SPECC1L: variants seen among roughly 807,000 people sequenced by gnomAD.
The protein encoded by SPECC1L is sperm antigen with calponin homology and coiled-coil domains 1 like.
In SPECC1L, 40 loss-of-function variants were observed where a neutral mutation model predicts 116.8. The ratio of observed to expected loss-of-function variants is 0.34; its 90% CI spans 0.27 to 0.45. The LOEUF is 0.45. SPECC1L is among the 20% of genes least tolerant of loss of function. The pLI is 1.00. For missense variants in SPECC1L, 1,110 were observed against 1,373.6 expected, an observed-to-expected ratio of 0.81 and a Z score of 3.03; for synonymous variants, 504 against 500.6, an observed-to-expected ratio of 1.01 and a Z score of -0.09.
intron 14 of SPECC1L, among the ~76,000 whole-genome samples, chr22:24,392,650 A>C (rs2042294244): frequency 1.3e-5 from 2 of 152,220 alleles, no homozygotes; most frequent in African/African-American, 4.8e-5. Flanking sequence ...GGAGAGAGAG[A>C]AACTAGTTTC....
Position 24,417,492 on chromosome 22 carries a change from T to A in SPECC1L, c.*2869T>A, listed in dbSNP as rs1205710512. On this transcript the variant is annotated 3_prime_UTR_variant, in exon 17 of 17. Transcript: ENST00000314328. ...TGGGGCTGTGGGACAGTGAGCCCTG[T>A]AACCACTAGGGTTCTGTGACAGATG... is the stretch of plus-strand genomic sequence containing the variant. 6.6e-6 allele frequency: 1 copy of A among 152,268 alleles called. No homozygotes were observed. The highest frequency in any genetic ancestry group is 1.5e-5 in the Non-Finnish European group (1 of 68,114). The allele number at this position is 152,268 out of a possible 1,614,324, so 9.4% of individuals were successfully genotyped here.
chr22:24,369,613 C>T (rs2041835785), intron 14 of SPECC1L, among the ~76,000 whole-genome samples: 1 of 152,080 alleles, frequency 6.6e-6, no homozygotes, highest in Non-Finnish European at 1.5e-5. Flanking sequence ...GTGGGAGGAT[C>T]ACTTGAGCCT....
At chr22:24,319,184 C>G (rs1041427259) in intron 4 of SPECC1L, among the ~76,000 whole-genome samples, 1 of 152,148 alleles carries the variant, frequency 6.6e-6, no homozygotes, top group African/African-American at 2.4e-5. Context: ...AGAACTGCCC[C>G]AGACTGAGTA....
intron 8 of SPECC1L, among the ~76,000 whole-genome samples, chr22:24,332,753 T>C (rs2040963952): frequency 2.6e-5 from 4 of 152,232 alleles, no homozygotes; most frequent in African/African-American, 9.6e-5. Flanking sequence ...CATAAAAATA[T>C]ATTAGCCCTG....
At chr22:24,344,592 CAAAAA>C (rs35725042) in intron 10 of SPECC1L, among the ~76,000 whole-genome samples, 7 of 117,930 alleles carry the variant, frequency 5.9e-5, no homozygotes, top group African/African-American at 1.3e-4. Flanking sequence ...TGCATAAGAC[CAAAAA>C]AAAAAAAAAA....
At chr22:24,340,420 T>C (rs1225466277) in intron 10 of SPECC1L, among the ~76,000 whole-genome samples, 1 of 152,212 alleles carries the variant, frequency 6.6e-6, no homozygotes, top group Non-Finnish European at 1.5e-5. Context: ...GTGCTGGGAT[T>C]ACAGGCGTGA....
In SPECC1L at chr22:24,330,294, C is replaced by A; in HGVS notation, c.2259C>A (p.Leu753=). The change falls in exon 8 of 17, where the codon CTC becomes CTA. Residue 753 remains leucine (L), a synonymous_variant. Coordinates refer to ENST00000314328, the MANE Select transcript of SPECC1L (RefSeq NM_015330.6). ...AATGGCGGCAGTTTCAGGCTGATCT[C>A]CAGACTGCAGTAGTCATTGCAAATG... The part of the protein sequence containing the change: ...SAEWRQFQAD[L]QTAVVIANDI... 1.2e-6 allele frequency: 2 copies of A among 1,614,124 alleles called. No homozygotes were observed. Among genetic ancestry groups the A allele is most frequent in the Non-Finnish European group, 1.7e-6 (2 of 1,180,026 alleles).
chr22:24,339,195 C>T (rs963087507), intron 10 of SPECC1L, among the ~76,000 whole-genome samples: 2 of 152,178 alleles, frequency 1.3e-5, no homozygotes, highest in African/African-American at 4.8e-5. Context: ...TCCTTCACAG[C>T]ATGGTTATCT....
intron 14 of SPECC1L, among the ~76,000 whole-genome samples, chr22:24,376,920 T>C (rs1041726016): frequency 1.3e-5 from 2 of 152,278 alleles, no homozygotes; most frequent in East Asian, 1.9e-4. Context: ...TGTTTTTTTT[T>C]TAAGTGTATT....
intron 2 of SPECC1L, among the ~76,000 whole-genome samples, chr22:24,283,300 G>T (rs956024102): frequency 4.0e-5 from 6 of 150,884 alleles, no homozygotes; most frequent in African/African-American, 1.5e-4. Context: ...GGATGGTCTC[G>T]ATCTCCTGAC....
intron 9 of SPECC1L, among the ~76,000 whole-genome samples, chr22:24,336,283 CTATATGTGTGTGTGTACA>C (rs1459490243): frequency 6.6e-6 from 1 of 151,254 alleles, no homozygotes; most frequent in African/African-American, 2.4e-5. Context: ...CTATATATAC[CTATATGTGTGTGTGTACA>C]TATATAGTGT....
intron 1 of SPECC1L, among the ~76,000 whole-genome samples, chr22:24,271,235 CGTTGGT>C (rs2048720889): frequency 6.6e-6 from 1 of 152,262 alleles, no homozygotes; most frequent in African/African-American, 2.4e-5. Context: ...GGCCTTCGTC[CGTTGGT>C]GTTGGGGTTC....
chr22:24,277,251 C>T (rs2048854736), intron 2 of SPECC1L, among the ~76,000 whole-genome samples: 1 of 152,200 alleles, frequency 6.6e-6, no homozygotes, highest in South Asian at 2.1e-4. Flanking sequence ...TACCTCAACA[C>T]TTATCTTCCT....
intron 2 of SPECC1L, among the ~76,000 whole-genome samples, chr22:24,297,029 C>G (rs1467684392): frequency 6.7e-6 from 1 of 148,336 alleles, no homozygotes; most frequent in Admixed American, 6.7e-5. Flanking sequence ...CACTGCAACC[C>G]GGGTTCAAGC....
At chr22:24,302,145 G>T in intron 2 of SPECC1L, 50 bp from the exon 3 acceptor site, 2 of 1,368,662 alleles carry the variant, frequency 1.5e-6, no homozygotes, top group Non-Finnish European at 1.0e-6. Context: ...AATTTCTAAA[G>T]CGCTTCCTTC....
chr22:24,303,304 G>A (rs574071977), intron 3 of SPECC1L, among the ~76,000 whole-genome samples: 2 of 152,248 alleles, frequency 1.3e-5, no homozygotes, highest in South Asian at 2.1e-4. Flanking sequence ...CCCTTGGCTC[G>A]GAGATGCACA....
intron 3 of SPECC1L, among the ~76,000 whole-genome samples, chr22:24,306,081 A>G (rs190428561): frequency 9.9e-5 from 15 of 151,896 alleles, no homozygotes; most frequent in African/African-American, 3.6e-4. Context: ...AATTTTTTGT[A>G]TTTTTAGTAG....
intron 6 of SPECC1L, among the ~76,000 whole-genome samples, chr22:24,328,162 A>AG (rs2040868304): frequency 6.6e-6 from 1 of 152,158 alleles, no homozygotes; most frequent in Admixed American, 6.6e-5. Context: ...GGTTCCAGGG[A>AG]GACTAGCCTG....
intron 14 of SPECC1L, among the ~76,000 whole-genome samples, chr22:24,377,965 A>G (rs1240001497): frequency 2.6e-5 from 4 of 152,212 alleles, no homozygotes; most frequent in Non-Finnish European, 5.9e-5. Context: ...CCCTAATGAG[A>G]GAGACAGCCT....
Sources: allele counts gnomAD v4.1 joint callset (sites outside exome capture counted in the v4.1 genomes callset), GRCh38; gene constraint gnomAD v4.1.1; transcripts MANE v1.5; gene names NCBI Gene and HGNC (gene_info 2026-07-23, HGNC 2026-07-21).